ANKS1B: variants seen among roughly 807,000 people sequenced by gnomAD.
ANKS1B encodes ankyrin repeat and sterile alpha motif domain containing 1B.
ANKS1B carries 36 observed loss-of-function variants against 148.3 expected under a neutral mutation model. The ratio of observed to expected loss-of-function variants is 0.24; its 90% CI spans 0.19 to 0.32. ANKS1B has a LOEUF of 0.32. Among genes scored for constraint, ANKS1B ranks in the 10% least tolerant of loss-of-function variants. ANKS1B has a pLI of 1.00. For missense variants in ANKS1B, 1,157 were observed against 1,542.6 expected, an observed-to-expected ratio of 0.75 and a Z score of 4.19; for synonymous variants, 542 against 560.8, an observed-to-expected ratio of 0.97 and a Z score of 0.47.
intron 10 of ANKS1B, among the ~76,000 whole-genome samples, chr12:99,467,571 G>C (rs1359545556): frequency 6.6e-6 from 1 of 152,178 alleles, no homozygotes; most frequent in Non-Finnish European, 1.5e-5. Context: ...TCCTTAAGCT[G>C]ATAAGCAACT....
intron 8 of ANKS1B, among the ~76,000 whole-genome samples, chr12:99,682,975 G>A (rs557356053): frequency 6.6e-6 from 1 of 152,200 alleles, no homozygotes; most frequent in African/African-American, 2.4e-5. Context: ...TGACTGGGGA[G>A]GCCTAACAAT....
intron 8 of ANKS1B, among the ~76,000 whole-genome samples, chr12:99,682,399 A>C (rs2098625967): frequency 6.6e-6 from 1 of 152,204 alleles, no homozygotes; most frequent in Non-Finnish European, 1.5e-5. Context: ...ACAAAACTGA[A>C]ATTATATCAA....
Position 98,745,917 on chromosome 12 carries a change from C to T in ANKS1B, c.3748-68G>A, listed in dbSNP as rs1162737668. ...CGGGTGCGCGCATGCACGCGGACGCCGCTGGCGAACCCACGCGAGGCCCCT... is the reference window on the plus strand; with the variant it reads ...CGGGTGCGCGCATGCACGCGGACGCTGCTGGCGAACCCACGCGAGGCCCCT... On this transcript the variant is annotated intron_variant, in intron 26 of 26. Coordinates refer to ENST00000683438, the MANE Select transcript of ANKS1B (RefSeq NM_001352186.2). 4 of 1,531,514 alleles carry T rather than the reference C, an allele frequency of 2.6e-6. No individual in the cohort carries two copies. In the Admixed American group the frequency reaches 6.2e-5, roughly 24 times the overall value. The allele number at this position is 1,531,514 out of a possible 1,614,324, so 94.9% of individuals were successfully genotyped here.
chr12:99,523,159 C>T (rs1169210097), intron 9 of ANKS1B, among the ~76,000 whole-genome samples: 2 of 152,188 alleles, frequency 1.3e-5, no homozygotes, highest in African/African-American at 4.8e-5. Context: ...TTAATTGACA[C>T]TACAGGGGAA....
chr12:98,810,025 T>C (rs1316513669), intron 19 of ANKS1B, among the ~76,000 whole-genome samples: 1 of 152,218 alleles, frequency 6.6e-6, no homozygotes, highest in East Asian at 1.9e-4. Flanking sequence ...ATGTTCCAAC[T>C]GCCACAAGGT....
chr12:99,544,565 T>C (rs1388886924), intron 9 of ANKS1B, among the ~76,000 whole-genome samples: 3 of 152,194 alleles, frequency 2.0e-5, no homozygotes, highest in African/African-American at 7.2e-5. Flanking sequence ...ATGAGCTTTC[T>C]TTTAGGACAG....
At chr12:99,320,558 C>T (rs756878686) in intron 12 of ANKS1B, among the ~76,000 whole-genome samples, 1 of 152,140 alleles carries the variant, frequency 6.6e-6, no homozygotes, top group Non-Finnish European at 1.5e-5. Flanking sequence ...CATTTAAGGT[C>T]TTCTCTACAC....
At chr12:99,366,720 T>C (rs1230528001) in intron 12 of ANKS1B, among the ~76,000 whole-genome samples, 6 of 152,090 alleles carry the variant, frequency 3.9e-5, no homozygotes. Context: ...ATGTAAAAAA[T>C]AAAACCATAT....
At chr12:99,641,810 C>G (rs1387873927) in intron 9 of ANKS1B, among the ~76,000 whole-genome samples, 2 of 152,056 alleles carry the variant, frequency 1.3e-5, no homozygotes, top group Non-Finnish European at 2.9e-5. Flanking sequence ...AAATATTGAA[C>G]AGTAGACACT....
intron 9 of ANKS1B, among the ~76,000 whole-genome samples, chr12:99,563,346 T>A (rs2097356729): frequency 6.6e-6 from 1 of 152,208 alleles, no homozygotes; most frequent in Non-Finnish European, 1.5e-5. Context: ...GCTTTGATTT[T>A]AAAGTGGGAG....
chr12:99,163,928 G>A (rs1340334112), intron 14 of ANKS1B, among the ~76,000 whole-genome samples: 1 of 152,006 alleles, frequency 6.6e-6, no homozygotes, highest in East Asian at 1.9e-4. Context: ...CAGTTTCTTT[G>A]CATCTTCACT....
At chr12:99,891,597 T>C (rs1365712802) in intron 1 of ANKS1B, among the ~76,000 whole-genome samples, 1 of 152,208 alleles carries the variant, frequency 6.6e-6, no homozygotes, top group African/African-American at 2.4e-5. Flanking sequence ...TAGCCATTTG[T>C]AGATCTTCTT....
chr12:99,054,263 G>A lies in ANKS1B; in HGVS notation c.2626-954C>T, dbSNP rs576274245. On this transcript the variant is annotated intron_variant, in intron 16 of 26. Transcript: ENST00000683438. ...TAAAATTCACGATGGAAACAGCAAG[G>A]CTGGGCAAAACACAACATAGATTTT... is the stretch of plus-strand genomic sequence containing the variant. Among the ~76,000 whole-genome samples, 8 of 152,272 alleles carry A rather than the reference G, an allele frequency of 5.3e-5. 1 individual carries two copies. The South Asian group carries it at 1.0e-3, about 20-fold the overall frequency.
chr12:98,817,534 A>G (rs1183285090), intron 19 of ANKS1B, among the ~76,000 whole-genome samples: 1 of 152,224 alleles, frequency 6.6e-6, no homozygotes, highest in Non-Finnish European at 1.5e-5. Flanking sequence ...CTTCCTGCCC[A>G]CCATCGGAGA....
At chr12:98,762,036 C>T (rs1030309609) in intron 25 of ANKS1B, among the ~76,000 whole-genome samples, 2 of 152,160 alleles carry the variant, frequency 1.3e-5, no homozygotes, top group African/African-American at 2.4e-5. Context: ...CAGAAGCTCA[C>T]CCACACCATG....
intron 14 of ANKS1B, among the ~76,000 whole-genome samples, chr12:99,164,729 A>G (rs2077034841): frequency 6.6e-6 from 1 of 151,926 alleles, no homozygotes; most frequent in South Asian, 2.1e-4. Flanking sequence ...TCCTTTACCC[A>G]TCTGCCTTAT....
chr12:98,952,135 T>C (rs1254174057), intron 17 of ANKS1B, among the ~76,000 whole-genome samples: 1 of 152,264 alleles, frequency 6.6e-6, no homozygotes, highest in Non-Finnish European at 1.5e-5. Flanking sequence ...AAAAGTCATC[T>C]GATGGCTTCA....
rs559559656 is a variant in ANKS1B, at chr12:98,965,259, C to T, written c.2778+87898G>A. On this transcript the variant is annotated intron_variant, in intron 17 of 26. Coordinates refer to ENST00000683438, the MANE Select transcript of ANKS1B (RefSeq NM_001352186.2). ...TCTCATGATTGCCTAGGTTCAAATCCTAACTCTACCTCATAACCTCAGGAA... is the reference window on the plus strand; with the variant it reads ...TCTCATGATTGCCTAGGTTCAAATCTTAACTCTACCTCATAACCTCAGGAA... Among the ~76,000 whole-genome samples the T allele has an allele frequency of 1.2e-4, 19 of 152,292 alleles. No individual in the cohort carries two copies. In the South Asian group the frequency reaches 3.3e-3, roughly 27 times the overall value.
chr12:99,782,032 C>A lies in ANKS1B; in HGVS notation c.735G>T (p.Leu245=), dbSNP rs751460257. The A allele has an allele frequency of 2.6e-5, 42 of 1,604,026 alleles. No individual in the cohort carries two copies. Among genetic ancestry groups the A allele is most frequent in the Non-Finnish European group, 3.4e-5 (40 of 1,175,424 alleles). Residue 245 remains leucine, a synonymous_variant, in exon 5 of 27, where the codon CTG becomes CTT. Coordinates refer to ENST00000683438, the MANE Select transcript of ANKS1B (RefSeq NM_001352186.2). ...AATCACAATAGTTACCTGTTTCTAA[C>A]AGAACTCGTACAACATCCACCTTTC... ...LFGKVDVVRV[L]LETGIDANIK...
Sources: allele counts gnomAD v4.1 joint callset (sites outside exome capture counted in the v4.1 genomes callset), GRCh38; gene constraint gnomAD v4.1.1; transcripts MANE v1.5; gene names NCBI Gene and HGNC (gene_info 2026-07-23, HGNC 2026-07-21).